The following EPM2AIP1 variants were observed in gnomAD, a reference collection of about 807,000 sequenced individuals.
EPM2AIP1 encodes the protein EPM2A interacting protein 1, also known as EPM2A-interacting protein 1.
Under a neutral mutation model 44.8 loss-of-function variants are expected in EPM2AIP1, and 23 were observed. The ratio of observed to expected loss-of-function variants is 0.51; its 90% CI spans 0.37 to 0.73. The LOEUF (loss-of-function observed/expected upper bound fraction) is 0.73. Among genes scored for constraint, EPM2AIP1 ranks in the 30% least tolerant of loss-of-function variants. The probability of loss-of-function intolerance (pLI) is 0.00; values close to 1 mark genes in which losing one functional copy is unlikely to be tolerated. For missense variants in EPM2AIP1, 652 were observed against 743.9 expected, an observed-to-expected ratio of 0.88 and a Z score of 1.44; for synonymous variants, 311 against 284.3, an observed-to-expected ratio of 1.09 and a Z score of -0.94.
In EPM2AIP1 at chr3:36,990,687, G is replaced by A. The variant is rs774687292; in HGVS notation, c.*567C>T. The A allele has an allele frequency of 1.1e-4, 112 of 985,592 alleles. No homozygotes were observed. The highest frequency in any genetic ancestry group is 1.3e-4 in the Non-Finnish European group (110 of 829,844). 61.1% of individuals were successfully genotyped at this position (985,592 alleles called of 1,614,324 possible). A position where few individuals can be genotyped will look rare whatever the true frequency, so the allele number is the denominator to read the frequency against. ...ACTGAGGTGGGTGATGGGGAGGGAAGAGGGAAGAAATCTGTCAGTATTACC... is the reference window on the plus strand; with the variant it reads ...ACTGAGGTGGGTGATGGGGAGGGAAAAGGGAAGAAATCTGTCAGTATTACC... On this transcript the variant is annotated 3_prime_UTR_variant, in exon 1 of 1. Transcript: ENST00000322716.
chr3:36,987,807 TG>T lies in EPM2AIP1; in HGVS notation c.*3446del, dbSNP rs780615942. 3 of 152,258 alleles carry T rather than the reference TG, an allele frequency of 2.0e-5. No homozygotes were observed. The highest frequency in any genetic ancestry group is 4.4e-5 in the Non-Finnish European group (3 of 68,048). The allele number at this position is 152,258 out of a possible 1,614,324, so 9.4% of individuals were successfully genotyped here. A position where few individuals can be genotyped will look rare whatever the true frequency, so the allele number is the denominator to read the frequency against. On this transcript the variant is annotated 3_prime_UTR_variant, in exon 1 of 1. Transcript: ENST00000322716. ...AATGGACAGTCTAAGGCAGAATGAC[TG>T]TGAAGGTCAAATAAGACTGTGAAAG...
At position 36,986,700 on chromosome 3, in the gene EPM2AIP1, T is replaced by TA. The variant is rs2080771281; in HGVS notation, c.*4553_*4554insT. The TA allele has an allele frequency of 6.7e-6, 1 of 148,766 alleles. No individual in the cohort carries two copies. The highest frequency in any genetic ancestry group is 1.5e-5 in the Non-Finnish European group (1 of 67,806). The allele number at this position is 148,766 out of a possible 1,614,324, so 9.2% of individuals were successfully genotyped here. On this transcript the variant is annotated 3_prime_UTR_variant, in exon 1 of 1. Transcript: ENST00000322716. Reference sequence around the variant, plus strand: ...AGGAGGCTGCAGTGGGAGAATTGCTTGAGCCAGGAAGGCAGAGATTGCATT... The same window carrying TA: ...AGGAGGCTGCAGTGGGAGAATTGCTTAGAGCCAGGAAGGCAGAGATTGCATT...
rs1387330114 is a variant in EPM2AIP1 at position 36,991,795 on chromosome 3, T to C, written c.1283A>G (p.Glu428Gly). 4 of 1,613,282 alleles carry C rather than the reference T, an allele frequency of 2.5e-6. No homozygotes were observed. Among genetic ancestry groups the C allele is most frequent in the South Asian group, 2.2e-5 (2 of 91,052 alleles). ...GGCAGGAAAGTCTGTTAGATTTTTT[T>C]CCTCAATATGTCTTTGAAATAAATT... ...KLNLFQRHIE[E>G]KNLTDFPALR... Residue 428 changes from glutamate to glycine, a missense_variant, in exon 1 of 1, where the codon GAA becomes GGA. Coordinates refer to ENST00000322716, the MANE Select transcript of EPM2AIP1 (RefSeq NM_014805.4).
rs2080776749 is a variant in EPM2AIP1 at position 36,987,500 on chromosome 3, A to T, written c.*3754T>A. Reference sequence around the variant, plus strand: ...AGGGTAAAAAAAAATAAGATTCTATACATGGATATGCAAACTTAATATTAC... The same window carrying T: ...AGGGTAAAAAAAAATAAGATTCTATTCATGGATATGCAAACTTAATATTAC... On this transcript the variant is annotated 3_prime_UTR_variant, in exon 1 of 1. Coordinates refer to ENST00000322716, the MANE Select transcript of EPM2AIP1 (RefSeq NM_014805.4). The T allele has an allele frequency of 6.6e-6, 1 of 151,298 alleles. No homozygotes were observed. Among genetic ancestry groups the T allele is most frequent in the Non-Finnish European group, 1.5e-5 (1 of 67,806 alleles). The allele number at this position is 151,298 out of a possible 1,614,324, so 9.4% of individuals were successfully genotyped here.
chr3:36,990,646 T>A lies in EPM2AIP1; in HGVS notation c.*608A>T. On this transcript the variant is annotated 3_prime_UTR_variant, in exon 1 of 1. Transcript: ENST00000322716. ...AAAATGATTCTAATGACTTCCTCTA[T>A]CAGTAATGTGTTATCACTGAGGTGG... 2.0e-6 allele frequency: 2 copies of A among 985,680 alleles called. No homozygotes were observed. The highest frequency in any genetic ancestry group is 2.4e-6 in the Non-Finnish European group (2 of 829,816). The allele number at this position is 985,680 out of a possible 1,614,324, so 61.1% of individuals were successfully genotyped here. A position where few individuals can be genotyped will look rare whatever the true frequency, so the allele number is the denominator to read the frequency against.
rs1366657912 is a variant in EPM2AIP1 at position 36,990,766 on chromosome 3, A to C, written c.*488T>G. On this transcript the variant is annotated 3_prime_UTR_variant, in exon 1 of 1. Coordinates refer to ENST00000322716, the MANE Select transcript of EPM2AIP1 (RefSeq NM_014805.4). ...TCTCAAACATTTTGATGGTTAGACAAAACACCTCCACTGTTATGTATGGGC... is the reference window on the plus strand; with the variant it reads ...TCTCAAACATTTTGATGGTTAGACACAACACCTCCACTGTTATGTATGGGC... 2 of 985,632 alleles carry C rather than the reference A, an allele frequency of 2.0e-6. No individual in the cohort carries two copies. Among genetic ancestry groups the C allele is most frequent in the Non-Finnish European group, 2.4e-6 (2 of 829,982 alleles). 61.1% of individuals were successfully genotyped at this position (985,632 alleles called of 1,614,324 possible). A position where few individuals can be genotyped will look rare whatever the true frequency, so the allele number is the denominator to read the frequency against.
rs1348731865 is a variant in EPM2AIP1 at position 36,987,586 on chromosome 3, C to A, written c.*3668G>T. On this transcript the variant is annotated 3_prime_UTR_variant, in exon 1 of 1. Coordinates refer to ENST00000322716, the MANE Select transcript of EPM2AIP1 (RefSeq NM_014805.4). ...CTGAGTTTACTACTTACTGTGTTTA[C>A]CAGGGAAAACCGCAATTTGTTATCC... 6.6e-6 allele frequency: 1 copy of A among 150,634 alleles called. No homozygotes were observed. The highest frequency in any genetic ancestry group is 2.4e-5 in the African/African-American group (1 of 41,098). The allele number at this position is 150,634 out of a possible 1,614,324, so 9.3% of individuals were successfully genotyped here. A position where few individuals can be genotyped will look rare whatever the true frequency, so the allele number is the denominator to read the frequency against.
rs1331349359 is a variant in EPM2AIP1, at chr3:36,987,018, A to T, written c.*4236T>A. The T allele has an allele frequency of 6.6e-6, 1 of 152,486 alleles. No homozygotes were observed. Among genetic ancestry groups the T allele is most frequent in the Non-Finnish European group, 1.5e-5 (1 of 68,036 alleles). The allele number at this position is 152,486 out of a possible 1,614,324, so 9.4% of individuals were successfully genotyped here. On this transcript the variant is annotated 3_prime_UTR_variant, in exon 1 of 1. Transcript: ENST00000322716. ...AGTTACCCAGAAATTAAGTTCAGAG[A>T]GGCATGGGAACAAGAAGGCAAAGGA...
rs1399588718 is a variant in EPM2AIP1, at chr3:36,990,736, A to G, written c.*518T>C. The G allele has an allele frequency of 2.0e-6, 2 of 985,568 alleles. No individual in the cohort carries two copies. Among genetic ancestry groups the G allele is most frequent in the African/African-American group, 1.7e-5 (1 of 57,250 alleles). 61.1% of individuals were successfully genotyped at this position (985,568 alleles called of 1,614,324 possible). ...CCTTCGAACTCAGAAATGTTTAAAA[A>G]AAAGTCTCAAACATTTTGATGGTTA... On this transcript the variant is annotated 3_prime_UTR_variant, in exon 1 of 1. Coordinates refer to ENST00000322716, the MANE Select transcript of EPM2AIP1 (RefSeq NM_014805.4).
Position 36,992,605 on chromosome 3 carries a change from T to C in EPM2AIP1, c.473A>G (p.Asp158Gly), listed in dbSNP as rs774242172. ...DITRQRILSI[D>G]RNLRNQLFNR... is the part of the protein sequence containing the mutation. ...AAAAAGCTGGTTGCGTAGATTCCTG[T>C]CAATGCTCAGGATCCTCTGCCTTGT... The change falls in exon 1 of 1, where the codon GAC becomes GGC. Residue 158 changes from aspartate (D) to glycine (G), a missense_variant. By Grantham distance (94) the Asp-to-Gly change is moderately conservative (BLOSUM62 -1). Coordinates refer to ENST00000322716, the MANE Select transcript of EPM2AIP1 (RefSeq NM_014805.4). This position sits in a 1 kb window ranked among gnomAD's most constrained non-coding sequence, Gnocchi z 5.3. 6.8e-6 allele frequency: 11 copies of C among 1,613,912 alleles called. No individual in the cohort carries two copies. The highest frequency in any genetic ancestry group is 9.3e-6 in the Non-Finnish European group (11 of 1,179,904).
chr3:36,988,981 CTTTTTCTT>C lies in EPM2AIP1; in HGVS notation c.*2265_*2272del, dbSNP rs1412071990. Reference sequence around the variant, plus strand: ...AGAAAACAGTAAAATACACTTTTTTCTTTTTCTTTTTTTTTTTTTTTTTTTACAAACAA... The same window carrying C: ...AGAAAACAGTAAAATACACTTTTTTCTTTTTTTTTTTTTTTTTACAAACAA... On this transcript the variant is annotated 3_prime_UTR_variant, in exon 1 of 1. Coordinates refer to ENST00000322716, the MANE Select transcript of EPM2AIP1 (RefSeq NM_014805.4). 0.032 allele frequency: 3,851 copies of C among 121,978 alleles called. 176 individuals carry two copies. Among genetic ancestry groups the C allele is most frequent in the African/African-American group, 0.13 (3,654 of 28,390 alleles). The allele number at this position is 121,978 out of a possible 1,614,324, so 7.6% of individuals were successfully genotyped here.
In EPM2AIP1 at chr3:36,990,865, A is replaced by G. The variant is rs62244262; in HGVS notation, c.*389T>C. ...GTTCAAAAGCACATTTAAGGAGTTG[A>G]TAATTTAAGACTATATGAATCAGAA... On this transcript the variant is annotated 3_prime_UTR_variant, in exon 1 of 1. Transcript: ENST00000322716. 5.3e-3 allele frequency: 5,202 copies of G among 989,304 alleles called. 16 individuals are homozygous for G. The highest frequency in any genetic ancestry group is 6.0e-3 in the Non-Finnish European group (4,970 of 832,072). 61.3% of individuals were successfully genotyped at this position (989,304 alleles called of 1,614,324 possible).
Position 36,991,903 on chromosome 3 carries a change from C to T in EPM2AIP1, c.1175G>A (p.Arg392Gln), listed in dbSNP as rs572137294. The T allele has an allele frequency of 4.3e-6, 7 of 1,613,924 alleles. No individual in the cohort carries two copies. Among genetic ancestry groups the T allele is most frequent in the South Asian group, 1.1e-5 (1 of 91,066 alleles). Residue 392 changes from arginine (R) to glutamine (Q), a missense_variant, in exon 1 of 1, where the codon CGA (arginine) becomes CAA (glutamine). Transcript: ENST00000322716. ...AACTCGTAATTCTTCACTGAGTTCT[C>T]GAAGGTGTTCCATAATGTCCACCAA... ...GFLVDIMEHL[R>Q]ELSEELRVSK...
rs375346433 is a variant in EPM2AIP1 at position 36,992,400 on chromosome 3, T to G, written c.678A>C (p.Ala226=). 2.5e-6 allele frequency: 4 copies of G among 1,613,970 alleles called. No individual in the cohort carries two copies. In the South Asian group the frequency reaches 3.3e-5, roughly 13 times the overall value. The change falls in exon 1 of 1, where the codon GCA becomes GCC. Residue 226 remains alanine, a synonymous_variant. Coordinates refer to ENST00000322716, the MANE Select transcript of EPM2AIP1 (RefSeq NM_014805.4). This position sits in a 1 kb window ranked among gnomAD's most constrained non-coding sequence, Gnocchi z 5.3. ...HHFSVGALMS[A]ILESLQTAGL... is the part of the protein sequence containing the mutation. ...CTGCTGTCTGCAGGGACTCTAGGAT[T>G]GCCGACATGAGCGCACCAACACTGA...
chr3:36,990,597 G>C lies in EPM2AIP1; in HGVS notation c.*657C>G. 2.0e-6 allele frequency: 2 copies of C among 985,150 alleles called. No homozygotes were observed. The highest frequency in any genetic ancestry group is 1.2e-6 in the Non-Finnish European group (1 of 829,410). The allele number at this position is 985,150 out of a possible 1,614,324, so 61.0% of individuals were successfully genotyped here. A position where few individuals can be genotyped will look rare whatever the true frequency, so the allele number is the denominator to read the frequency against. On this transcript the variant is annotated 3_prime_UTR_variant, in exon 1 of 1. Transcript: ENST00000322716. ...AATTAGTCTTATCTCCAAATTGCAT[G>C]AAGTCTCCTATATCTGAAACTTAAA... is the stretch of plus-strand genomic sequence containing the variant.
chr3:36,989,286 T>C lies in EPM2AIP1; in HGVS notation c.*1968A>G, dbSNP rs2080789386. ...TATTGGGAAATTACCGGTAGATTTT[T>C]CTGTTTTTTTTTTTCGGTTTTCCAC... On this transcript the variant is annotated 3_prime_UTR_variant, in exon 1 of 1. Transcript: ENST00000322716. 1 of 151,908 alleles carries C rather than the reference T, an allele frequency of 6.6e-6. No homozygotes were observed. Among genetic ancestry groups the C allele is most frequent in the Admixed American group, 6.6e-5 (1 of 15,240 alleles). The allele number at this position is 151,908 out of a possible 1,614,324, so 9.4% of individuals were successfully genotyped here. A position where few individuals can be genotyped will look rare whatever the true frequency, so the allele number is the denominator to read the frequency against.
chr3:36,993,105 A>C lies in EPM2AIP1; in HGVS notation c.-28T>G. 7.0e-6 allele frequency: 11 copies of C among 1,571,462 alleles called. No individual in the cohort carries two copies. The highest frequency in any genetic ancestry group is 9.5e-6 in the Non-Finnish European group (11 of 1,157,330). On this transcript the variant is annotated 5_prime_UTR_variant, in exon 1 of 1. Transcript: ENST00000322716. ...TGCGGGAGGCCACAAGAGCAGGGCCAACGTTAGAAAGGCCGCAAGGGGAGA... is the reference window on the plus strand; with the variant it reads ...TGCGGGAGGCCACAAGAGCAGGGCCCACGTTAGAAAGGCCGCAAGGGGAGA...
In EPM2AIP1 at chr3:36,991,297, C is replaced by A; in HGVS notation, c.1781G>T (p.Gly594Val). 1.2e-6 allele frequency: 2 copies of A among 1,613,766 alleles called. No homozygotes were observed. The highest frequency in any genetic ancestry group is 1.7e-6 in the Non-Finnish European group (2 of 1,179,708). The change falls in exon 1 of 1, where the codon GGT becomes GTT. Residue 594 changes from glycine to valine, a missense_variant. Coordinates refer to ENST00000322716, the MANE Select transcript of EPM2AIP1 (RefSeq NM_014805.4). The stretch of plus-strand genomic sequence containing the variant: ...TCTTTCTCTCACAAGGTCATCCCAA[C>A]CGGGCTCCATTTCAGTTGTGGCAAC... ...FRVATTEMEP[G>V]WDDLVRERNE...
rs1316895977 is a variant in EPM2AIP1 at position 36,985,425 on chromosome 3, C to A, written c.*5829G>T. 1 of 152,160 alleles carries A rather than the reference C, an allele frequency of 6.6e-6. No individual in the cohort carries two copies. The highest frequency in any genetic ancestry group is 1.5e-5 in the Non-Finnish European group (1 of 68,028). The allele number at this position is 152,160 out of a possible 1,614,324, so 9.4% of individuals were successfully genotyped here. ...CTGAGGTGTACACTTAATATCGGTA[C>A]ACTTTTAAATTTTACCTCAGTAACA... On this transcript the variant is annotated 3_prime_UTR_variant, in exon 1 of 1. Coordinates refer to ENST00000322716, the MANE Select transcript of EPM2AIP1 (RefSeq NM_014805.4).
Sources: allele counts gnomAD v4.1 joint callset, GRCh38; gene constraint gnomAD v4.1.1; non-coding constraint Gnocchi (gnomAD v3.1); transcripts MANE v1.5; gene names NCBI Gene and HGNC (gene_info 2026-07-23, HGNC 2026-07-21).